IGSF21: variants seen among roughly 807,000 people sequenced by gnomAD.
IGSF21 encodes immunoglobulin superfamily member 21.
A neutral mutation model predicts 46.8 loss-of-function variants in IGSF21; 28 were observed. The observed-to-expected ratio is 0.60, with a 90% CI of 0.44 to 0.82. The LOEUF (loss-of-function observed/expected upper bound fraction) is 0.82, where lower values mean the gene tolerates loss of function less well. Among genes scored for constraint, IGSF21 ranks in the 40% least tolerant of loss-of-function variants. The pLI is 0.00. For synonymous variants in IGSF21, 284 were observed against 273.6 expected (o/e 1.04, Z -0.38); for missense variants, 624 against 665.5 (o/e 0.94, Z 0.69).
At chr1:18,299,815 G>T (rs906590311) in intron 3 of IGSF21, among the ~76,000 whole-genome samples, 3 of 152,094 alleles carry the variant, frequency 2.0e-5, no homozygotes, top group Non-Finnish European at 2.9e-5. Context: ...AAAGCCCCTG[G>T]CTTTCCACCC....
chr1:18,375,173 ATG>A (rs1210943591), intron 6 of IGSF21, among the ~76,000 whole-genome samples: 1 of 152,094 alleles, frequency 6.6e-6, no homozygotes, highest in Admixed American at 6.5e-5. Flanking sequence ...TGTTTTGCGT[ATG>A]TGTTTGTTTG....
intron 6 of IGSF21, chr1:18,375,970 T>A (rs1474228570): frequency 3.7e-5 from 9 of 243,274 alleles, no homozygotes; most frequent in Admixed American, 1.7e-4. Flanking sequence ...CACTGTCCAC[T>A]GGGCCTCTCT....
intron 2 of IGSF21, among the ~76,000 whole-genome samples, chr1:18,242,193 C>T (rs1004638063): frequency 6.6e-6 from 1 of 152,178 alleles, no homozygotes; most frequent in African/African-American, 2.4e-5. Flanking sequence ...GGTTCACCTA[C>T]TCTGAGATGA....
At chr1:18,375,426 G>T (rs2086270730) in intron 6 of IGSF21, among the ~76,000 whole-genome samples, 1 of 152,192 alleles carries the variant, frequency 6.6e-6, no homozygotes, top group African/African-American at 2.4e-5. Context: ...AGCTCTGTTT[G>T]TCAGCTGAAA....
chr1:18,173,987 C>T (rs957102462), intron 1 of IGSF21, among the ~76,000 whole-genome samples: 11 of 152,168 alleles, frequency 7.2e-5, no homozygotes, highest in Admixed American at 1.3e-4. Context: ...CTCCTGACCT[C>T]GGGTGATTTG....
chr1:18,212,724 G>A (rs1318854129), intron 1 of IGSF21, among the ~76,000 whole-genome samples: 3 of 152,238 alleles, frequency 2.0e-5, no homozygotes, highest in African/African-American at 7.2e-5. Context: ...CCTGGAGAGG[G>A]CACTGCAAAG....
At chr1:18,366,021 A>G (rs1306610675) in intron 6 of IGSF21, among the ~76,000 whole-genome samples, 2 of 151,878 alleles carry the variant, frequency 1.3e-5, no homozygotes, top group East Asian at 3.9e-4. Flanking sequence ...GATCAGGAAC[A>G]TGGGAGGTCT....
intron 4 of IGSF21, among the ~76,000 whole-genome samples, chr1:18,346,472 G>C (rs1306632440): frequency 1.3e-5 from 2 of 152,140 alleles, no homozygotes; most frequent in Admixed American, 6.5e-5. Flanking sequence ...TAGAAGAACA[G>C]AGACGATAGG....
In IGSF21 at chr1:18,108,186, G is replaced by A; in HGVS notation, c.58G>A (p.Asp20Asn). 6.9e-7 allele frequency: 1 copy of A among 1,439,196 alleles called. No homozygotes were observed. Among genetic ancestry groups the A allele is most frequent in the Non-Finnish European group, 9.1e-7 (1 of 1,098,638 alleles). The allele number at this position is 1,439,196 out of a possible 1,614,324, so 89.2% of individuals were successfully genotyped here. A position where few individuals can be genotyped will look rare whatever the true frequency, so the allele number is the denominator to read the frequency against. Reference sequence around the variant, plus strand: ...CTGCCTGCTGCTCGCCGCGATCCTGGACCTGGCGCGCGGTGAGTGCGCGGG... The same window carrying A: ...CTGCCTGCTGCTCGCCGCGATCCTGAACCTGGCGCGCGGTGAGTGCGCGGG... Reference protein sequence around the residue: ...CVCLLLAAILDLARGYLTVNI... With the variant: ...CVCLLLAAILNLARGYLTVNI... The change falls in exon 1 of 10, where the codon GAC becomes AAC. Residue 20 changes from aspartate (D) to asparagine (N), a missense_variant. Coordinates refer to ENST00000251296, the MANE Select transcript of IGSF21 (RefSeq NM_032880.5).
intron 4 of IGSF21, among the ~76,000 whole-genome samples, chr1:18,342,389 C>T (rs1196689052): frequency 2.0e-5 from 3 of 152,150 alleles, no homozygotes; most frequent in Non-Finnish European, 2.9e-5. Flanking sequence ...CCACCAAGCC[C>T]GGCCCTTTGG....
chr1:18,226,650 G>A (rs1003670410), intron 1 of IGSF21, among the ~76,000 whole-genome samples: 3 of 152,204 alleles, frequency 2.0e-5, no homozygotes, highest in African/African-American at 7.2e-5. Context: ...TCTCCAGGTC[G>A]ATTCTTGTTT....
chr1:18,177,064 G>A (rs1031285333), intron 1 of IGSF21, among the ~76,000 whole-genome samples: 1 of 152,168 alleles, frequency 6.6e-6, no homozygotes, highest in Non-Finnish European at 1.5e-5. Context: ...CATCCTCCCA[G>A]TCTGTGCTTT....
At chr1:18,349,584 A>G (rs1439542158) in intron 4 of IGSF21, among the ~76,000 whole-genome samples, 1 of 152,192 alleles carries the variant, frequency 6.6e-6, no homozygotes, top group Non-Finnish European at 1.5e-5. Flanking sequence ...GCAGGAACCC[A>G]AGGCATGAGA....
intron 4 of IGSF21, among the ~76,000 whole-genome samples, chr1:18,351,557 G>A (rs1045818429): frequency 2.0e-5 from 3 of 152,164 alleles, no homozygotes; most frequent in South Asian, 4.1e-4. Flanking sequence ...CTGCTCTCTG[G>A]GGGGAGGACG....
intron 2 of IGSF21, among the ~76,000 whole-genome samples, chr1:18,272,683 GT>G (rs946020213): frequency 6.6e-5 from 10 of 152,242 alleles, no homozygotes; most frequent in Admixed American, 2.0e-4. Context: ...GGTTGAGTGT[GT>G]CCCCTCGGCT....
intron 4 of IGSF21, among the ~76,000 whole-genome samples, chr1:18,348,508 A>C (rs1254657506): frequency 6.6e-6 from 1 of 152,190 alleles, no homozygotes; most frequent in African/African-American, 2.4e-5. Context: ...AGCTGGATTT[A>C]GTGGCTCCAG....
chr1:18,251,147 C>A (rs2084837582), intron 2 of IGSF21, among the ~76,000 whole-genome samples: 1 of 152,132 alleles, frequency 6.6e-6, no homozygotes, highest in African/African-American at 2.4e-5. Context: ...GAAAGGGGAA[C>A]ACAAGTCAGG....
intron 2 of IGSF21, among the ~76,000 whole-genome samples, chr1:18,243,800 G>A (rs1319210660): frequency 6.6e-6 from 1 of 152,168 alleles, no homozygotes; most frequent in Non-Finnish European, 1.5e-5. Flanking sequence ...TTTCAAAGAT[G>A]AGCAGCATGA....
intron 2 of IGSF21, among the ~76,000 whole-genome samples, chr1:18,277,216 G>A (rs78946402): frequency 0.012 from 1,839 of 152,350 alleles, 14 homozygotes; most frequent in Non-Finnish European, 0.02. Flanking sequence ...CCCAGCTCCT[G>A]CCTCTTGTCT....
Sources: allele counts gnomAD v4.1 joint callset (sites outside exome capture counted in the v4.1 genomes callset), GRCh38; gene constraint gnomAD v4.1.1; transcripts MANE v1.5; gene names NCBI Gene and HGNC (gene_info 2026-07-23, HGNC 2026-07-21).